Variants in PDE1C observed in about 807,000 individuals in gnomAD.
PDE1C encodes phosphodiesterase 1C, also known as dual specificity calcium/calmodulin-dependent 3',5'-cyclic nucleotide phosphodiesterase 1C.
PDE1C carries 62 observed loss-of-function variants against 93.1 expected under a neutral mutation model. That is an observed-to-expected ratio of 0.67 (90% CI 0.54 to 0.82). The LOEUF is 0.82. Ranked by LOEUF, PDE1C falls within the 40% of genes least tolerant of loss-of-function variation. PDE1C has a pLI of 0.00. For synonymous variants in PDE1C, 325 were observed against 310.1 expected, an observed-to-expected ratio of 1.05 and a Z score of -0.50; for missense variants, 742 against 884.6, an observed-to-expected ratio of 0.84 and a Z score of 2.04.
chr7:31,776,637 C>T (rs943767557), intron 16 of PDE1C, among the ~76,000 whole-genome samples: 1 of 151,922 alleles, frequency 6.6e-6, no homozygotes, highest in Non-Finnish European at 1.5e-5. Flanking sequence ...TAAATATATA[C>T]ACACAGACAC....
At chr7:32,285,880 G>A (rs879515103) in intron 1 of PDE1C, among the ~76,000 whole-genome samples, 10 of 151,950 alleles carry the variant, frequency 6.6e-5, no homozygotes, top group Admixed American at 2.0e-4. Context: ...AAGTCCAAGC[G>A]TTTGCCAACC....
chr7:32,297,628 G>C (rs1812666485), intron 1 of PDE1C, among the ~76,000 whole-genome samples: 1 of 152,066 alleles, frequency 6.6e-6, no homozygotes, highest in Non-Finnish European at 1.5e-5. Flanking sequence ...GCCTCCAGAG[G>C]GTCAACCCTG....
intron 2 of PDE1C, among the ~76,000 whole-genome samples, chr7:31,947,284 CA>C (rs1806748893): frequency 6.6e-6 from 1 of 152,180 alleles, no homozygotes; most frequent in South Asian, 2.1e-4. Context: ...CCACTTTACT[CA>C]AAGTCTACTG....
At chr7:31,872,723 C>T (rs1044457825) in intron 6 of PDE1C, among the ~76,000 whole-genome samples, 7 of 152,152 alleles carry the variant, frequency 4.6e-5, no homozygotes, top group East Asian at 1.9e-4. Context: ...GACCCCACCT[C>T]GAGAGTCTAC....
chr7:31,727,748 AT>A, the PDE1C span, among the ~76,000 whole-genome samples: 1 of 152,190 alleles, frequency 6.6e-6, no homozygotes, highest in African/African-American at 2.4e-5. Flanking sequence ...AAATCAATAA[AT>A]TAAGAGTTTC....
At chr7:32,234,809 G>A (rs1041233419) in intron 1 of PDE1C, among the ~76,000 whole-genome samples, 1 of 151,850 alleles carries the variant, frequency 6.6e-6, no homozygotes, top group African/African-American at 2.4e-5. Flanking sequence ...AACAAAGACA[G>A]CACAAAGAGA....
In PDE1C at chr7:31,762,837, T is replaced by C. The variant is rs1794918969; in HGVS notation, c.1961-9284A>G. 1.3e-5 allele frequency among the ~76,000 whole-genome samples: 2 copies of C among 152,274 alleles called. 1 individual carries two copies. Among genetic ancestry groups the C allele is most frequent in the South Asian group, 4.1e-4 (2 of 4,830 alleles). ...GAACCAAACGGCCACTAGTATGGTATGGAAAGATGACCCAACCAGCATTTC... is the reference window on the plus strand; with the variant it reads ...GAACCAAACGGCCACTAGTATGGTACGGAAAGATGACCCAACCAGCATTTC... On this transcript the variant is annotated intron_variant, in intron 17 of 17. Coordinates refer to ENST00000396191, the MANE Select transcript of PDE1C (RefSeq NM_001191057.4).
the PDE1C span, among the ~76,000 whole-genome samples, chr7:31,744,540 A>C: frequency 6.6e-6 from 1 of 152,074 alleles, no homozygotes; most frequent in Non-Finnish European, 1.5e-5. Context: ...GAGTACATCA[A>C]ATTAAATAAA....
At chr7:31,974,801 G>A (rs73314667) in intron 2 of PDE1C, among the ~76,000 whole-genome samples, 5,907 of 152,206 alleles carry the variant, frequency 0.039, 395 homozygotes, top group African/African-American at 0.14. Flanking sequence ...GGAAATTTTC[G>A]AAAACTGCTG....
At chr7:32,324,351 C>A (rs1326388345) in intron 1 of PDE1C, among the ~76,000 whole-genome samples, 1 of 152,180 alleles carries the variant, frequency 6.6e-6, no homozygotes, top group African/African-American at 2.4e-5. Context: ...AAGCCAACCC[C>A]AGCCTTTTTC....
At chr7:31,798,777 G>GC (rs1181854239) in intron 16 of PDE1C, among the ~76,000 whole-genome samples, 1 of 151,718 alleles carries the variant, frequency 6.6e-6, no homozygotes, top group Non-Finnish European at 1.5e-5. Flanking sequence ...TTCAAGTGTT[G>GC]CTATGGCTCT....
At chr7:31,695,741 C>T in the PDE1C span, 3 of 951,024 alleles carry the variant, frequency 3.2e-6, no homozygotes, top group Non-Finnish European at 4.7e-6. Context: ...GCACTCCCCA[C>T]CTCTGTATCT....
chr7:32,281,319 A>C (rs1811613837), intron 1 of PDE1C, among the ~76,000 whole-genome samples: 1 of 152,234 alleles, frequency 6.6e-6, no homozygotes, highest in South Asian at 2.1e-4. Context: ...AAACAAGGCT[A>C]AAATGCCTAT....
chr7:32,367,769 C>A (rs917209628), intron 1 of PDE1C, among the ~76,000 whole-genome samples: 1 of 151,848 alleles, frequency 6.6e-6, no homozygotes, highest in Admixed American at 6.6e-5. Flanking sequence ...ATAGTGAGTC[C>A]CCTTCTCTAC....
At chr7:32,425,493 G>A (rs778544075) in intron 1 of PDE1C, among the ~76,000 whole-genome samples, 28 of 151,980 alleles carry the variant, frequency 1.8e-4, no homozygotes, top group Non-Finnish European at 2.5e-4. Flanking sequence ...TAAAATGGAA[G>A]GGATTGAAAA....
intron 3 of PDE1C, among the ~76,000 whole-genome samples, chr7:32,156,329 G>C (rs11763715): frequency 0.071 from 10,798 of 152,012 alleles, 530 homozygotes; most frequent in South Asian, 0.18. Context: ...TCCCCTCCCT[G>C]TGTTCATGTG....
At chr7:31,785,380 G>A (rs1353431982) in intron 16 of PDE1C, 1 of 152,144 alleles carries the variant, frequency 6.6e-6, no homozygotes, top group Non-Finnish European at 1.5e-5. Context: ...AGTTAGTGAA[G>A]CCAGCCATTG....
At chr7:31,988,129 C>A (rs1451069688) in intron 2 of PDE1C, among the ~76,000 whole-genome samples, 3 of 152,196 alleles carry the variant, frequency 2.0e-5, no homozygotes, top group Non-Finnish European at 4.4e-5. Context: ...TTGCCTCCAG[C>A]CCTGCCCGTC....
intron 1 of PDE1C, among the ~76,000 whole-genome samples, chr7:32,385,536 G>A (rs1784607939): frequency 6.6e-6 from 1 of 152,080 alleles, no homozygotes; most frequent in Non-Finnish European, 1.5e-5. Context: ...GGGACCTGCT[G>A]GGGAGAAGAG....
Sources: allele counts gnomAD v4.1 joint callset (sites outside exome capture counted in the v4.1 genomes callset), GRCh38; gene constraint gnomAD v4.1.1; transcripts MANE v1.5; gene names NCBI Gene and HGNC (gene_info 2026-07-23, HGNC 2026-07-21).